CEBPZ: variants seen among roughly 807,000 people sequenced by gnomAD.
CEBPZ encodes CCAAT/enhancer-binding protein zeta.
Under a neutral mutation model 104.5 loss-of-function variants are expected in CEBPZ, and 78 were observed. The observed-to-expected ratio is 0.75, with a 90% CI of 0.62 to 0.90. The LOEUF (loss-of-function observed/expected upper bound fraction) is 0.90. CEBPZ is among the 40% of genes least tolerant of loss of function. CEBPZ has a pLI of 0.00. For missense variants in CEBPZ, 1,439 were observed against 1,233.5 expected, an observed-to-expected ratio of 1.17 and a Z score of -2.50; for synonymous variants, 470 against 427.0, an observed-to-expected ratio of 1.10 and a Z score of -1.24.
In CEBPZ at chr2:37,220,481, T is replaced by A; in HGVS notation, c.2066-8A>T. 2 of 1,498,636 alleles carry A rather than the reference T, an allele frequency of 1.3e-6. No individual in the cohort carries two copies. The highest frequency in any genetic ancestry group is 1.8e-6 in the Non-Finnish European group (2 of 1,089,652). The allele number at this position is 1,498,636 out of a possible 1,614,324, so 92.8% of individuals were successfully genotyped here. A position where few individuals can be genotyped will look rare whatever the true frequency, so the allele number is the denominator to read the frequency against. On this transcript the variant is annotated splice_polypyrimidine_tract_variant and splice_region_variant and intron_variant, in intron 4 of 15. Transcript: ENST00000234170. Reference sequence around the variant, plus strand: ...TATTTAACTGTTTCCCACCTAGGAATAACAAAAAAAATACGATTTCTCAAA... The same window carrying A: ...TATTTAACTGTTTCCCACCTAGGAAAAACAAAAAAAATACGATTTCTCAAA...
At chr2:37,221,044 G>A (rs1362313233) in intron 4 of CEBPZ, among the ~76,000 whole-genome samples, 1 of 152,090 alleles carries the variant, frequency 6.6e-6, no homozygotes, top group East Asian at 1.9e-4. Context: ...CTTTGGCTGG[G>A]CACAATGGCT....
Position 37,228,884 on chromosome 2 carries a change from T to C in CEBPZ, c.309A>G (p.Glu103=). The C allele has an allele frequency of 6.2e-7, 1 of 1,608,194 alleles. No homozygotes were observed. Among genetic ancestry groups the C allele is most frequent in the Non-Finnish European group, 8.5e-7 (1 of 1,178,506 alleles). ...TTTCTTTTTCAGCTGGTTCATCTTC[T>C]TCAACTAAGGAAGCTTTTGTATACT... ...LAKYTKASLV[E]EDEPAEKENS... is the part of the protein sequence containing the mutation. Residue 103 remains glutamate, a synonymous_variant, in exon 2 of 16, where the codon GAA becomes GAG. Transcript: ENST00000234170.
intron 4 of CEBPZ, among the ~76,000 whole-genome samples, chr2:37,220,945 C>G (rs768186339): frequency 7.2e-5 from 11 of 151,906 alleles, no homozygotes; most frequent in Non-Finnish European, 1.2e-4. Context: ...TGCAGTGAAC[C>G]AAGATCGTGC....
chr2:37,227,708 A>C lies in CEBPZ; in HGVS notation c.1485T>G (p.Pro495=), dbSNP rs372333306. ...ALLTGVNRAY[P]YSQTGDDKVR... ...CTTTGTCATCACCAGTCTGGGAATA[A>C]GGGTATGCCCTATTCACACCTGTTA... The change falls in exon 2 of 16, where the codon CCT becomes CCG. Residue 495 remains proline, a synonymous_variant. Transcript: ENST00000234170. 7.0e-5 allele frequency: 113 copies of C among 1,614,112 alleles called. 1 individual carries two copies. The highest frequency in any genetic ancestry group is 8.5e-7 in the Non-Finnish European group (1 of 1,180,044).
At chr2:37,223,137 C>G in intron 3 of CEBPZ, 33 bp downstream of exon 3, 3 of 1,525,630 alleles carry the variant, frequency 2.0e-6, no homozygotes, top group Non-Finnish European at 2.7e-6. Context: ...ATTTCAGCAC[C>G]CACTCAATTT....
Position 37,228,419 on chromosome 2 carries a change from A to G in CEBPZ, c.774T>C (p.Asp258=). 1.2e-6 allele frequency: 2 copies of G among 1,614,248 alleles called. No individual in the cohort carries two copies. Among genetic ancestry groups the G allele is most frequent in the South Asian group, 2.2e-5 (2 of 91,084 alleles). ...CTACAAACTGAAGTGTGTGAACGGC[A>G]TCATCCTGAATAAGAAGAATCATGG... ...MAAMILLIQD[D]AVHTLQFVET... is the part of the protein sequence containing the mutation. The change falls in exon 2 of 16, where the codon GAT becomes GAC. Residue 258 remains aspartate, a synonymous_variant. Coordinates refer to ENST00000234170, the MANE Select transcript of CEBPZ (RefSeq NM_005760.3).
chr2:37,217,409 CA>C (rs886336529), intron 5 of CEBPZ, among the ~76,000 whole-genome samples: 3 of 151,862 alleles, frequency 2.0e-5, no homozygotes, highest in African/African-American at 7.3e-5. Context: ...TCAACAACAA[CA>C]AAAATGAAAA....
At chr2:37,226,350 G>A (rs563159393) in intron 2 of CEBPZ, among the ~76,000 whole-genome samples, 1 of 152,268 alleles carries the variant, frequency 6.6e-6, no homozygotes, top group South Asian at 2.1e-4. Context: ...CAGTAATAAG[G>A]ATAGCCGCCA....
At chr2:37,229,938 C>A (rs1665002747) in intron 1 of CEBPZ, among the ~76,000 whole-genome samples, 1 of 152,124 alleles carries the variant, frequency 6.6e-6, no homozygotes, top group Non-Finnish European at 1.5e-5. Flanking sequence ...AAGGTATCCT[C>A]CCACCTCTGA....
chr2:37,230,146 A>C (rs1665014819), intron 1 of CEBPZ, among the ~76,000 whole-genome samples: 1 of 152,268 alleles, frequency 6.6e-6, no homozygotes, highest in Admixed American at 6.5e-5. Flanking sequence ...TAAGACAGAC[A>C]AAATGATTTA....
chr2:37,203,105 G>A (rs1191364612), intron 13 of CEBPZ, 97 bp from the exon 14 acceptor site: 14 of 791,692 alleles, frequency 1.8e-5, no homozygotes, highest in South Asian at 2.3e-5. Context: ...TTATACTTGG[G>A]TAAAAACAAT....
chr2:37,201,783 G>A lies in CEBPZ; in HGVS notation c.3146C>T (p.Thr1049Ile), dbSNP rs1558462311. The A allele has an allele frequency of 6.7e-7, 1 of 1,487,746 alleles. No individual in the cohort carries two copies. Among genetic ancestry groups the A allele is most frequent in the Non-Finnish European group, 9.4e-7 (1 of 1,065,772 alleles). The allele number at this position is 1,487,746 out of a possible 1,614,324, so 92.2% of individuals were successfully genotyped here. Residue 1049 changes from threonine to isoleucine, a missense_variant, in exon 16 of 16, where the codon ACT (threonine) becomes ATT (isoleucine). Coordinates refer to ENST00000234170, the MANE Select transcript of CEBPZ (RefSeq NM_005760.3). ...AATAACTCATTTCCTTTGTTTTTTA[G>A]TTTTTTGAGTGGTTTTAATCCTCTT... is the stretch of plus-strand genomic sequence containing the variant. The part of the protein sequence containing the change: ...KKKRIKTTQK[T>I]KKQRK
intron 4 of CEBPZ, among the ~76,000 whole-genome samples, 179 bp downstream of exon 4, chr2:37,222,201 T>C (rs954820020): frequency 5.9e-5 from 9 of 152,184 alleles, no homozygotes; most frequent in Non-Finnish European, 1.3e-4. Context: ...GGAGAATCAC[T>C]TGAACCTGGG....
At chr2:37,203,166 A>T in intron 13 of CEBPZ, 158 bp from the exon 14 acceptor site, 1 of 507,426 alleles carries the variant, frequency 2.0e-6, no homozygotes. Context: ...ATATAATTTA[A>T]GAGTTAGTAT....
chr2:37,212,328 A>G lies in CEBPZ; in HGVS notation c.2603+7T>C, dbSNP rs1028269706. 6.2e-7 allele frequency: 1 copy of G among 1,611,660 alleles called. No individual in the cohort carries two copies. The highest frequency in any genetic ancestry group is 8.5e-7 in the Non-Finnish European group (1 of 1,178,076). On this transcript the variant is annotated splice_region_variant and intron_variant, in intron 11 of 15. Coordinates refer to ENST00000234170, the MANE Select transcript of CEBPZ (RefSeq NM_005760.3). ...AAAATAGGAAGGAGAAGATAGAAGTATGTTACCCAGCAAAATCCATATCAT... is the reference window on the plus strand; with the variant it reads ...AAAATAGGAAGGAGAAGATAGAAGTGTGTTACCCAGCAAAATCCATATCAT...
chr2:37,212,515 A>C (rs1304391815), intron 10 of CEBPZ, 123 bp from the exon 11 acceptor site: 3 of 795,112 alleles, frequency 3.8e-6, no homozygotes. Context: ...CACCAAAACA[A>C]TGTAAATGTT....
intron 15 of CEBPZ, 176 bp downstream of exon 15, chr2:37,202,608 G>A (rs1677310386): frequency 5.4e-6 from 2 of 371,580 alleles, no homozygotes; most frequent in Non-Finnish European, 4.5e-6. Flanking sequence ...TCATGCCACT[G>A]CATTCCAACC....
chr2:37,206,963 T>C (rs891230964), intron 13 of CEBPZ, among the ~76,000 whole-genome samples: 1 of 152,162 alleles, frequency 6.6e-6, no homozygotes, highest in African/African-American at 2.4e-5. Flanking sequence ...GGAAAAGATA[T>C]TCCATGCAAA....
chr2:37,217,746 C>T (rs1664652331), intron 5 of CEBPZ, among the ~76,000 whole-genome samples: 1 of 149,796 alleles, frequency 6.7e-6, no homozygotes, highest in South Asian at 2.1e-4. Flanking sequence ...ACTAAAAATA[C>T]AAAAAATTAG....
Sources: allele counts gnomAD v4.1 joint callset (sites outside exome capture counted in the v4.1 genomes callset), GRCh38; gene constraint gnomAD v4.1.1; transcripts MANE v1.5; gene names NCBI Gene and HGNC (gene_info 2026-07-23, HGNC 2026-07-21).